The following PPM1A variants were observed in gnomAD, a reference collection of about 807,000 sequenced individuals.
The protein encoded by PPM1A is protein phosphatase, Mg2+/Mn2+ dependent 1A.
PPM1A carries 7 observed loss-of-function variants against 35.0 expected under a neutral mutation model. That is an observed-to-expected ratio of 0.20 (90% CI 0.11 to 0.38). The LOEUF (loss-of-function observed/expected upper bound fraction) is 0.38, where lower values mean the gene tolerates loss of function less well. Ranked by LOEUF, PPM1A falls within the 10% of genes least tolerant of loss-of-function variation. The pLI, the probability that PPM1A is intolerant of heterozygous loss-of-function variation, is 1.00. For synonymous variants in PPM1A, 153 were observed against 167.3 expected, an observed-to-expected ratio of 0.91 and a Z score of 0.66; for missense variants, 239 against 467.8, an observed-to-expected ratio of 0.51 and a Z score of 4.51.
In PPM1A at chr14:60,295,546, C is replaced by T. The variant is rs1887994043; in HGVS notation, c.*3064C>T. The T allele has an allele frequency of 6.6e-6, 1 of 151,556 alleles. No homozygotes were observed. The highest frequency in any genetic ancestry group is 1.5e-5 in the Non-Finnish European group (1 of 67,658). The allele number at this position is 151,556 out of a possible 1,614,324, so 9.4% of individuals were successfully genotyped here. ...GTAATTCAAGTAATCTGAATTACAGCAGTACTTTTAGTGATCATTCATAGG... is the reference window on the plus strand; with the variant it reads ...GTAATTCAAGTAATCTGAATTACAGTAGTACTTTTAGTGATCATTCATAGG... On this transcript the variant is annotated 3_prime_UTR_variant, in exon 6 of 6. Transcript: ENST00000395076.
intron 3 of PPM1A, chr14:60,287,955 A>T: frequency 3.0e-6 from 3 of 984,898 alleles, no homozygotes; most frequent in Non-Finnish European, 3.6e-6. Context: ...TATGTGAAAC[A>T]TGGATCTTCT....
Position 60,287,196 on chromosome 14 carries a change from C to T in PPM1A, c.952+1455C>T. The T allele has an allele frequency of 3.2e-6, 3 of 945,440 alleles. No homozygotes were observed. In the South Asian group the frequency reaches 1.5e-4, roughly 46 times the overall value. The allele number at this position is 945,440 out of a possible 1,614,324, so 58.6% of individuals were successfully genotyped here. Reference sequence around the variant, plus strand: ...GCTACTTTTCTCTTTAGTGTGTACACTTTAAGTTTTAGATGGAATTATGAA... The same window carrying T: ...GCTACTTTTCTCTTTAGTGTGTACATTTTAAGTTTTAGATGGAATTATGAA... On this transcript the variant is annotated intron_variant, in intron 3 of 5. Transcript: ENST00000395076.
At chr14:60,252,663 A>G (rs537283665) in intron 1 of PPM1A, among the ~76,000 whole-genome samples, 1 of 152,326 alleles carries the variant, frequency 6.6e-6, no homozygotes, top group African/African-American at 2.4e-5. Flanking sequence ...TTTTGCTATT[A>G]GCCAAGATAT....
At chr14:60,278,957 G>A (rs1360607953) in intron 1 of PPM1A, among the ~76,000 whole-genome samples, 1 of 152,190 alleles carries the variant, frequency 6.6e-6, no homozygotes, top group African/African-American at 2.4e-5. Context: ...TGGATGGATG[G>A]ATGGGAGAGT....
chr14:60,263,774 G>A (rs1238130019), intron 1 of PPM1A, among the ~76,000 whole-genome samples: 1 of 151,882 alleles, frequency 6.6e-6, no homozygotes, highest in African/African-American at 2.4e-5. Context: ...TACCTTGTTG[G>A]GCATTTTGTC....
At chr14:60,256,501 TAGTC>T (rs1186096361) in intron 1 of PPM1A, among the ~76,000 whole-genome samples, 1 of 152,184 alleles carries the variant, frequency 6.6e-6, no homozygotes, top group Non-Finnish European at 1.5e-5. Context: ...TAATTTCATA[TAGTC>T]AGTCAGTGCC....
Position 60,298,225 on chromosome 14 carries a change from G to T in PPM1A, c.*5743G>T, listed in dbSNP as rs978963320. On this transcript the variant is annotated 3_prime_UTR_variant, in exon 6 of 6. Transcript: ENST00000395076. ...ATGGAATGTATCTGGAACATTTTTG[G>T]CCTCCATAGTGCAGATATACTATAT... The T allele has an allele frequency of 6.6e-6, 1 of 151,502 alleles. No homozygotes were observed. Among genetic ancestry groups the T allele is most frequent in the African/African-American group, 2.4e-5 (1 of 41,340 alleles). The allele number at this position is 151,502 out of a possible 1,614,324, so 9.4% of individuals were successfully genotyped here. A position where few individuals can be genotyped will look rare whatever the true frequency, so the allele number is the denominator to read the frequency against.
intron 4 of PPM1A, among the ~76,000 whole-genome samples, chr14:60,290,336 T>C (rs116091535): frequency 1.3e-3 from 201 of 152,300 alleles, no homozygotes; most frequent in African/African-American, 4.5e-3. Flanking sequence ...ACCATGTTTC[T>C]ATGCCTGATT....
At chr14:60,255,171 TTTGTTTTGTTTTG>T (rs1255756952) in intron 1 of PPM1A, among the ~76,000 whole-genome samples, 3 of 103,362 alleles carry the variant, frequency 2.9e-5, no homozygotes, top group African/African-American at 2.0e-4. Context: ...TTTTTTTTTT[TTTGTTTTGTTTTG>T]TTTTTGAGAC....
intron 1 of PPM1A, among the ~76,000 whole-genome samples, chr14:60,271,732 T>G (rs1057383293): frequency 6.6e-6 from 1 of 152,210 alleles, no homozygotes; most frequent in African/African-American, 2.4e-5. Context: ...GGTCTTGCTG[T>G]AGTAAAATAA....
intron 1 of PPM1A, among the ~76,000 whole-genome samples, chr14:60,259,514 C>T (rs140696323): frequency 1.4e-3 from 214 of 152,010 alleles, no homozygotes; most frequent in African/African-American, 1.9e-3. Context: ...CTCAAATATG[C>T]GGCGATTTAT....
At chr14:60,284,720 T>TATATATAC (rs1440853373) in intron 2 of PPM1A, among the ~76,000 whole-genome samples, 1 of 122,324 alleles carries the variant, frequency 8.2e-6, no homozygotes, top group African/African-American at 4.3e-5. Flanking sequence ...TATATATATA[T>TATATATAC]ACATATATAT....
chr14:60,255,143 A>G (rs1220958896), intron 1 of PPM1A, among the ~76,000 whole-genome samples: 1 of 144,110 alleles, frequency 6.9e-6, no homozygotes, highest in South Asian at 2.2e-4. Flanking sequence ...ATGTCTGTGT[A>G]TTATTTCTAT....
chr14:60,251,832 A>T (rs566224381), intron 1 of PPM1A, among the ~76,000 whole-genome samples: 1 of 152,230 alleles, frequency 6.6e-6, no homozygotes, highest in East Asian at 1.9e-4. Context: ...ATGTGTAGGG[A>T]AACTCTTGAG....
rs919070104 is a variant in PPM1A, at chr14:60,249,232, C to CGGCGGCGGTGGCGGCGGT, written c.-450_-449insGTGGCGGCGGTGGCGGCG. On this transcript the variant is annotated 5_prime_UTR_variant, in exon 1 of 6. Transcript: ENST00000395076. The surrounding 1 kb of genome is among the most constrained non-coding windows in gnomAD (Gnocchi z 4.5). ...CGCGGGGCCGCGCTAGAGGCGGCGG[C>CGGCGGCGGTGGCGGCGGT]GGCGGCGGTGGCGGCGCTAGGGACG... is the stretch of plus-strand genomic sequence containing the variant. The CGGCGGCGGTGGCGGCGGT allele has an allele frequency of 1.0e-6, 1 of 987,782 alleles. No homozygotes were observed. The highest frequency in any genetic ancestry group is 1.8e-5 in the African/African-American group (1 of 57,050). 61.2% of individuals were successfully genotyped at this position (987,782 alleles called of 1,614,324 possible). A position where few individuals can be genotyped will look rare whatever the true frequency, so the allele number is the denominator to read the frequency against.
In PPM1A at chr14:60,293,940, C is replaced by G. The variant is rs1048047984; in HGVS notation, c.*1458C>G. 1.3e-5 allele frequency: 2 copies of G among 151,748 alleles called. No individual in the cohort carries two copies. Among genetic ancestry groups the G allele is most frequent in the African/African-American group, 4.8e-5 (2 of 41,358 alleles). The allele number at this position is 151,748 out of a possible 1,614,324, so 9.4% of individuals were successfully genotyped here. A position where few individuals can be genotyped will look rare whatever the true frequency, so the allele number is the denominator to read the frequency against. ...CATTGAAAAGATTACTGTTCCGTGC[C>G]CTTCTGTATTTTTGTCTCTTTAGGT... On this transcript the variant is annotated 3_prime_UTR_variant, in exon 6 of 6. Transcript: ENST00000395076. The surrounding 1 kb of genome is among the most constrained non-coding windows in gnomAD (Gnocchi z 4.0).
chr14:60,267,311 A>G (rs1206496309), intron 1 of PPM1A: 2 of 152,106 alleles, frequency 1.3e-5, no homozygotes, highest in African/African-American at 4.8e-5. Context: ...ATATTAAGGA[A>G]TAAATTTTAT....
In PPM1A at chr14:60,271,526, C is replaced by T. The variant is rs571691179; in HGVS notation, c.-20-11158C>T. Among the ~76,000 whole-genome samples, 5 of 152,156 alleles carry T rather than the reference C, an allele frequency of 3.3e-5. No individual in the cohort carries two copies. The East Asian group carries it at 7.7e-4, about 23-fold the overall frequency. Reference sequence around the variant, plus strand: ...GAATCACAGATACTGTCCTCTTTACCGAATGATGCAAACTCTGATGCCATG... The same window carrying T: ...GAATCACAGATACTGTCCTCTTTACTGAATGATGCAAACTCTGATGCCATG... On this transcript the variant is annotated intron_variant, in intron 1 of 5. Transcript: ENST00000395076.
At position 60,295,887 on chromosome 14, in the gene PPM1A, T is replaced by C. The variant is rs574374516; in HGVS notation, c.*3405T>C. The C allele has an allele frequency of 2.0e-5, 3 of 151,728 alleles. No homozygotes were observed. Among genetic ancestry groups the C allele is most frequent in the Non-Finnish European group, 3.0e-5 (2 of 67,684 alleles). The allele number at this position is 151,728 out of a possible 1,614,324, so 9.4% of individuals were successfully genotyped here. A position where few individuals can be genotyped will look rare whatever the true frequency, so the allele number is the denominator to read the frequency against. On this transcript the variant is annotated 3_prime_UTR_variant, in exon 6 of 6. Coordinates refer to ENST00000395076, the MANE Select transcript of PPM1A (RefSeq NM_021003.5). ...CTGAAAACTGTTCTCCAGTTTATTT[T>C]CTTCTCTCTAAAGTTAAAGAGTAAT... is the stretch of plus-strand genomic sequence containing the variant.
Sources: gnomAD v4.1 joint callset for allele counts (sites outside exome capture counted in the v4.1 genomes callset) on GRCh38, gnomAD v4.1.1 for gene constraint, Gnocchi (gnomAD v3.1) non-coding constraint, MANE v1.5 for transcripts, NCBI Gene and HGNC (gene_info 2026-07-23, HGNC 2026-07-21) for gene names.